ALDH1L1: variants seen among roughly 807,000 people sequenced by gnomAD.
ALDH1L1 encodes aldehyde dehydrogenase 1 family member L1.
Under a neutral mutation model 101.1 loss-of-function variants are expected in ALDH1L1, and 68 were observed. The ratio of observed to expected loss-of-function variants is 0.67; its 90% CI spans 0.55 to 0.82. ALDH1L1 has a LOEUF of 0.82. ALDH1L1 is among the 40% of genes least tolerant of loss of function. The pLI is 0.00. For missense variants in ALDH1L1, 1,087 were observed against 1,172.7 expected (o/e 0.93, Z 1.07); for synonymous variants, 486 against 470.8 (o/e 1.03, Z -0.42).
rs773749609 is a variant in ALDH1L1, at chr3:126,157,443, G to A, written c.428C>T (p.Thr143Ile). The A allele has an allele frequency of 1.2e-6, 2 of 1,614,164 alleles. No individual in the cohort carries two copies. The highest frequency in any genetic ancestry group is 8.5e-7 in the Non-Finnish European group (1 of 1,180,032). ...SIFWADDGLDTGDLLLQKECE... is the reference protein window; with the variant it reads ...SIFWADDGLDIGDLLLQKECE... Reference sequence around the variant, plus strand: ...CTCCTTCTGCAGCAGCAGGTCTCCGGTGTCCAGACCATCATCCGCCCAGAA... The same window carrying A: ...CTCCTTCTGCAGCAGCAGGTCTCCGATGTCCAGACCATCATCCGCCCAGAA... Residue 143 changes from threonine to isoleucine, a missense_variant, in exon 4 of 23, where the codon ACC becomes ATC. Thr to Ile is a moderately conservative substitution (Grantham distance 89). This residue lies in a region of ALDH1L1 where 645 missense variants were observed against 637.0 expected (regional missense o/e 1.01). Coordinates refer to ENST00000393434, the MANE Select transcript of ALDH1L1 (RefSeq NM_012190.4).
At chr3:126,147,835 T>A (rs2080726665) in intron 8 of ALDH1L1, among the ~76,000 whole-genome samples, 1 of 152,002 alleles carries the variant, frequency 6.6e-6, no homozygotes, top group Non-Finnish European at 1.5e-5. Flanking sequence ...GCCCTTCCCA[T>A]CCTCAGGGCG....
At position 126,137,734 on chromosome 3, in the gene ALDH1L1, C is replaced by T. The variant is rs370546143; in HGVS notation, c.1224+79G>A. ...CTGGCTTTCTGAATGTCCAGGTTTC[C>T]CCTCTTGTCTTATGTAGTCATAGAT... On this transcript the variant is annotated intron_variant, in intron 10 of 22. Coordinates refer to ENST00000393434, the MANE Select transcript of ALDH1L1 (RefSeq NM_012190.4). 1.1e-3 allele frequency: 1,748 copies of T among 1,527,272 alleles called. 34 individuals carry two copies. The South Asian group carries it at 0.021, about 18-fold the overall frequency. The allele number at this position is 1,527,272 out of a possible 1,614,324, so 94.6% of individuals were successfully genotyped here.
chr3:126,158,499 T>C lies in ALDH1L1; in HGVS notation c.268A>G (p.Ile90Val). ...LNVLPFCSQF[I>V]PMEIISAPRH... ...GGGGCACTGATTATCTCCATGGGGA[T>C]GAATTGGCTGCAGAAGGGCAGGACG... Residue 90 changes from isoleucine (I) to valine (V), a missense_variant, in exon 3 of 23, where the codon ATC becomes GTC. Coordinates refer to ENST00000393434, the MANE Select transcript of ALDH1L1 (RefSeq NM_012190.4). The C allele has an allele frequency of 6.2e-7, 1 of 1,614,158 alleles. No individual in the cohort carries two copies.
chr3:126,163,857 G>A (rs1186912202), intron 1 of ALDH1L1, among the ~76,000 whole-genome samples: 1 of 152,182 alleles, frequency 6.6e-6, no homozygotes, highest in Non-Finnish European at 1.5e-5. Context: ...ACATGAACCA[G>A]TCCCAGTCGC....
At chr3:126,147,454 T>A (rs1333365278) in intron 8 of ALDH1L1, among the ~76,000 whole-genome samples, 1 of 152,180 alleles carries the variant, frequency 6.6e-6, no homozygotes, top group East Asian at 1.9e-4. Context: ...TGCTAACTGG[T>A]CTGTGTCCTC....
rs143846934 is a variant in ALDH1L1 at position 126,168,866 on chromosome 3, T to C, written c.-23-7864A>G. Among the ~76,000 whole-genome samples, 570 of 152,342 alleles carry C rather than the reference T, an allele frequency of 3.7e-3. 2 individuals are homozygous for C. The highest frequency in any genetic ancestry group is 0.014 in the Middle Eastern group (4 of 294). On this transcript the variant is annotated intron_variant, in intron 1 of 22. Coordinates refer to ENST00000393434, the MANE Select transcript of ALDH1L1 (RefSeq NM_012190.4). ...CTATTAATCACACTTAAAGTTGTTA[T>C]GTTGGGTTATTGTAAACCACAAAAA...
intron 16 of ALDH1L1, among the ~76,000 whole-genome samples, chr3:126,121,856 A>G (rs544501764): frequency 1.2e-4 from 19 of 152,320 alleles, no homozygotes; most frequent in African/African-American, 4.3e-4. Context: ...CAGGAGGTGC[A>G]GGCCACCAAG....
At chr3:126,193,467 G>C (rs1004613845) in intron 1 of ALDH1L1, among the ~76,000 whole-genome samples, 2 of 151,930 alleles carry the variant, frequency 1.3e-5, no homozygotes, top group African/African-American at 2.4e-5. Flanking sequence ...CCCCCTTTTT[G>C]CTGGGTTCTC....
intron 15 of ALDH1L1, 140 bp from the exon 16 acceptor site, chr3:126,124,591 C>A: frequency 1.4e-6 from 1 of 712,034 alleles, no homozygotes; most frequent in Non-Finnish European, 2.4e-6. Flanking sequence ...AGGAAGACCC[C>A]AGGAAAGCCA....
chr3:126,148,394 G>A (rs1352407899), intron 8 of ALDH1L1, among the ~76,000 whole-genome samples: 1 of 152,236 alleles, frequency 6.6e-6, no homozygotes, highest in African/African-American at 2.4e-5. Flanking sequence ...CCCACAGCAG[G>A]CTCTTGGAGC....
rs79064161 is a variant in ALDH1L1, at chr3:126,155,253, T to G, written c.630+149A>C. The G allele has an allele frequency of 3.9e-4, 236 of 602,580 alleles. 1 individual carries two copies. In the East Asian group the frequency reaches 7.6e-3, roughly 20 times the overall value. The allele number at this position is 602,580 out of a possible 1,614,324, so 37.3% of individuals were successfully genotyped here. A position where few individuals can be genotyped will look rare whatever the true frequency, so the allele number is the denominator to read the frequency against. On this transcript the variant is annotated intron_variant, in intron 5 of 22. Transcript: ENST00000393434. The stretch of plus-strand genomic sequence containing the variant: ...TCCTCCTCCTCCACGGCTCTCTTCA[T>G]GCATCCCTGACCTGGGCTGCCCTGT...
chr3:126,132,730 CT>C (rs2108240482), intron 12 of ALDH1L1, among the ~76,000 whole-genome samples: 1 of 152,354 alleles, frequency 6.6e-6, no homozygotes, highest in African/African-American at 2.4e-5. Context: ...ATAGCCTCCT[CT>C]GCCTTTCTTC....
chr3:126,194,880 C>A (rs1486060487), intron 1 of ALDH1L1, among the ~76,000 whole-genome samples: 1 of 151,990 alleles, frequency 6.6e-6, no homozygotes, highest in Non-Finnish European at 1.5e-5. Flanking sequence ...TAACTTTTAG[C>A]AACTTTTACT....
chr3:126,179,878 C>G (rs1377951346), intron 1 of ALDH1L1: 1 of 152,198 alleles, frequency 6.6e-6, no homozygotes, highest in African/African-American at 2.4e-5. Flanking sequence ...GGTCTGCTAT[C>G]CGGCCTCCCT....
At chr3:126,119,369 C>G (rs1173736355) in intron 16 of ALDH1L1, among the ~76,000 whole-genome samples, 1 of 152,206 alleles carries the variant, frequency 6.6e-6, no homozygotes, top group African/African-American at 2.4e-5. Flanking sequence ...TCACCTAGAC[C>G]TGCTCTTCCT....
chr3:126,175,350 G>T (rs577020968), intron 1 of ALDH1L1, among the ~76,000 whole-genome samples: 1 of 151,996 alleles, frequency 6.6e-6, no homozygotes, highest in Non-Finnish European at 1.5e-5. Flanking sequence ...TAGAAGTAGA[G>T]GAAATTCTCT....
intron 1 of ALDH1L1, among the ~76,000 whole-genome samples, chr3:126,178,014 G>A (rs2081394405): frequency 6.6e-6 from 1 of 151,854 alleles, no homozygotes; most frequent in African/African-American, 2.4e-5. Flanking sequence ...CTGCACTCCA[G>A]CCTAGGCAAC....
intron 19 of ALDH1L1, among the ~76,000 whole-genome samples, chr3:126,111,535 G>C (rs919864538): frequency 1.3e-5 from 2 of 152,234 alleles, no homozygotes; most frequent in African/African-American, 4.8e-5. Flanking sequence ...GCTGAGGGCA[G>C]GGCTTCATTT....
intron 1 of ALDH1L1, among the ~76,000 whole-genome samples, chr3:126,171,027 G>A (rs577375360): frequency 6.6e-6 from 1 of 152,168 alleles, no homozygotes; most frequent in Admixed American, 6.5e-5. Context: ...GGCTGGGCGC[G>A]GTGGCTCATG....
Sources: allele counts gnomAD v4.1 joint callset (sites outside exome capture counted in the v4.1 genomes callset), GRCh38; gene constraint gnomAD v4.1.1; regional missense constraint gnomAD v4.1.1; transcripts MANE v1.5; gene names NCBI Gene and HGNC (gene_info 2026-07-23, HGNC 2026-07-21).